The following GLIS3 variants were observed in gnomAD, a reference collection of about 807,000 sequenced individuals.
GLIS3 encodes zinc finger protein GLIS3.
In GLIS3, 53 loss-of-function variants were observed where a neutral mutation model predicts 78.6. That is an observed-to-expected ratio of 0.67 (90% CI 0.54 to 0.85). The LOEUF (loss-of-function observed/expected upper bound fraction) is 0.85. GLIS3 is among the 40% of genes least tolerant of loss of function. The pLI is 0.00. For synonymous variants in GLIS3, 684 were observed against 509.9 expected (o/e 1.34, Z -4.60); for missense variants, 1,703 against 1,231.1 (o/e 1.38, Z -5.74).
chr9:4,447,808 C>G, the GLIS3 span, among the ~76,000 whole-genome samples: 2 of 152,238 alleles, frequency 1.3e-5, no homozygotes, highest in Non-Finnish European at 2.9e-5. Context: ...CTCCTGAGCC[C>G]AGTCCTCTGT....
At chr9:4,346,477 TTAAA>T (rs1468596556) in intron 2 of GLIS3, among the ~76,000 whole-genome samples, 4 of 152,176 alleles carry the variant, frequency 2.6e-5, no homozygotes, top group African/African-American at 9.7e-5. Flanking sequence ...AAAAAATACA[TTAAA>T]TAATTTCTAA....
intron 2 of GLIS3, among the ~76,000 whole-genome samples, chr9:4,134,564 G>A (rs984919869): frequency 6.6e-6 from 1 of 152,166 alleles, no homozygotes; most frequent in Non-Finnish European, 1.5e-5. Flanking sequence ...TCGAGGATGA[G>A]TGAGACCCAA....
intron 2 of GLIS3, among the ~76,000 whole-genome samples, chr9:4,169,581 G>C (rs1245046382): frequency 1.3e-5 from 2 of 152,200 alleles, no homozygotes; most frequent in African/African-American, 4.8e-5. Flanking sequence ...TTAGGTAACA[G>C]TATTTATCAC....
Position 3,828,319 on chromosome 9 carries a change from C to T in GLIS3, c.2746G>A (p.Val916Met), listed in dbSNP as rs151140581. ...GAGAGCTGGCTAGGACAGCGGTCCA[C>T]GGTGCTGATCTGCAAGAAGGTAGCA... The part of the protein sequence containing the change: ...EDATFLQIST[V>M]DRCPSQLSSV... The change falls in exon 11 of 11, where the codon GTG (valine) becomes ATG (methionine). Residue 916 changes from valine to methionine, a missense_variant. Physicochemically the swap from Val to Met is conservative, Grantham distance 21 (BLOSUM62 1). Transcript: ENST00000381971. The T allele has an allele frequency of 1.1e-4, 174 of 1,613,526 alleles. No homozygotes were observed. The highest frequency in any genetic ancestry group is 7.5e-4 in the Admixed American group (45 of 60,016).
At chr9:4,367,231 G>C in the GLIS3 span, among the ~76,000 whole-genome samples, 1 of 152,144 alleles carries the variant, frequency 6.6e-6, no homozygotes, top group African/African-American at 2.4e-5. Context: ...AGCTTCATCA[G>C]TTGCCCCTCT....
At chr9:4,308,518 C>G (rs1240225139) in intron 4 of GLIS3, among the ~76,000 whole-genome samples, 1 of 152,050 alleles carries the variant, frequency 6.6e-6, no homozygotes, top group Admixed American at 6.5e-5. Flanking sequence ...TGAACACCCT[C>G]TCCTCCCTCC....
chr9:4,411,748 G>A, the GLIS3 span, among the ~76,000 whole-genome samples: 2 of 152,142 alleles, frequency 1.3e-5, no homozygotes, highest in East Asian at 1.9e-4. Context: ...CCATGGACAA[G>A]TGGCTTACAA....
chr9:3,959,911 G>A (rs537916871), intron 4 of GLIS3, among the ~76,000 whole-genome samples: 34 of 152,320 alleles, frequency 2.2e-4, no homozygotes, highest in African/African-American at 7.9e-4. Context: ...CAGCACTTTG[G>A]GAGGCCGAGG....
At chr9:3,984,750 C>A (rs1274559826) in intron 4 of GLIS3, among the ~76,000 whole-genome samples, 1 of 152,170 alleles carries the variant, frequency 6.6e-6, no homozygotes, top group Non-Finnish European at 1.5e-5. Flanking sequence ...ATCCAAATCT[C>A]ATCTTGAATG....
chr9:3,834,807 C>T (rs868689611), intron 9 of GLIS3, among the ~76,000 whole-genome samples: 79 of 152,296 alleles, frequency 5.2e-4, no homozygotes, highest in African/African-American at 1.7e-3. Context: ...CCCAACCCCT[C>T]AAGAAGCTGA....
intron 4 of GLIS3, among the ~76,000 whole-genome samples, chr9:4,073,124 A>T (rs1010673220): frequency 5.9e-5 from 9 of 152,284 alleles, no homozygotes; most frequent in African/African-American, 2.2e-4. Context: ...TGCAACCGAT[A>T]CATTTGAGTT....
intron 4 of GLIS3, among the ~76,000 whole-genome samples, chr9:4,038,408 A>G (rs1411897165): frequency 6.6e-6 from 1 of 152,234 alleles, no homozygotes; most frequent in Non-Finnish European, 1.5e-5. Flanking sequence ...AATTGTCATC[A>G]AGATGATAAA....
chr9:4,362,212 T>A, the GLIS3 span, among the ~76,000 whole-genome samples: 8 of 152,226 alleles, frequency 5.3e-5, no homozygotes, highest in African/African-American at 1.9e-4. Flanking sequence ...AGGGGGAGAT[T>A]TTTTAAATGC....
chr9:4,093,652 CT>C (rs891790071), intron 4 of GLIS3, among the ~76,000 whole-genome samples: 3 of 152,136 alleles, frequency 2.0e-5, no homozygotes, highest in African/African-American at 7.2e-5. Context: ...GGATACTGGT[CT>C]TGAGGAAGCT....
At chr9:4,243,398 G>GCGCA (rs556682295) in intron 2 of GLIS3, among the ~76,000 whole-genome samples, 64 of 151,012 alleles carry the variant, frequency 4.2e-4, no homozygotes, top group East Asian at 4.1e-3. Flanking sequence ...ACACATACAC[G>GCGCA]CACACACACA....
intron 2 of GLIS3, among the ~76,000 whole-genome samples, chr9:4,231,793 T>C (rs1822275996): frequency 6.6e-6 from 1 of 152,214 alleles, no homozygotes; most frequent in African/African-American, 2.4e-5. Flanking sequence ...TTTTTACCAA[T>C]GTAAACAATG....
At chr9:4,272,050 G>T (rs79552773) in intron 2 of GLIS3, among the ~76,000 whole-genome samples, 7 of 152,126 alleles carry the variant, frequency 4.6e-5, no homozygotes, top group Admixed American at 3.9e-4. Context: ...TTGTGCCCTC[G>T]TCATGCGGCC....
chr9:4,140,934 G>A (rs1292677172), intron 2 of GLIS3, among the ~76,000 whole-genome samples: 1 of 152,100 alleles, frequency 6.6e-6, no homozygotes, highest in Non-Finnish European at 1.5e-5. Flanking sequence ...GAGTAGCTGG[G>A]ATTATCGGCG....
At chr9:4,035,710 A>G (rs10814817) in intron 4 of GLIS3, 43,345 of 151,804 alleles carry the variant, frequency 0.29, 7,354 homozygotes, top group East Asian at 0.66. Context: ...AAACTATCCA[A>G]CTTCCTAGAA....
Sources: gnomAD v4.1 joint callset for allele counts (sites outside exome capture counted in the v4.1 genomes callset) on GRCh38, gnomAD v4.1.1 for gene constraint, MANE v1.5 for transcripts, NCBI Gene and HGNC (gene_info 2026-07-23, HGNC 2026-07-21) for gene names.